Variants in UPP2 observed in about 807,000 individuals in gnomAD.
UPP2 encodes UPase 2.
In UPP2, 23 loss-of-function variants were observed where a neutral mutation model predicts 26.7. The ratio of observed to expected loss-of-function variants is 0.86; its 90% confidence interval spans 0.62 to 1.22. The LOEUF is 1.22. Ranked by LOEUF, UPP2 falls within the 50% of genes most tolerant of loss-of-function variation. The probability of loss-of-function intolerance (pLI) is 0.00; values close to 1 mark genes in which losing one functional copy is unlikely to be tolerated. For synonymous variants in UPP2, 127 were observed against 141.3 expected, an observed-to-expected ratio of 0.90 and a Z score of 0.72; for missense variants, 387 against 396.7, an observed-to-expected ratio of 0.98 and a Z score of 0.21.
intron 2 of UPP2, among the ~76,000 whole-genome samples, chr2:158,002,695 A>C (rs1035582051): frequency 6.6e-6 from 1 of 152,246 alleles, no homozygotes; most frequent in Admixed American, 6.5e-5. Flanking sequence ...GTTTATTTTC[A>C]CAGCCTTTGT....
intron 3 of UPP2, among the ~76,000 whole-genome samples, chr2:158,029,917 A>G (rs1233076289): frequency 6.6e-6 from 1 of 152,104 alleles, no homozygotes; most frequent in Non-Finnish European, 1.5e-5. Flanking sequence ...GAAAGCAGGC[A>G]TGGCAATTTG....
chr2:158,097,841 T>C (rs1051490468), upstream of UPP2, among the ~76,000 whole-genome samples: 3 of 152,220 alleles, frequency 2.0e-5, no homozygotes, highest in African/African-American at 7.2e-5. Context: ...AGGGATATCA[T>C]TCTTGCTTAT....
intron 5 of UPP2, among the ~76,000 whole-genome samples, 165 bp downstream of exon 5, chr2:158,121,783 G>C (rs71421069): frequency 0.027 from 4,064 of 152,030 alleles, 141 homozygotes; most frequent in East Asian, 0.14. Flanking sequence ...AGAAACACAA[G>C]GACATAATGA....
chr2:158,019,534 A>C (rs1247758245), intron 3 of UPP2, among the ~76,000 whole-genome samples: 1 of 152,020 alleles, frequency 6.6e-6, no homozygotes, highest in African/African-American at 2.4e-5. Flanking sequence ...TCAAACCATC[A>C]TATTGCTTTA....
chr2:158,118,225 G>A (rs13406552), intron 4 of UPP2, among the ~76,000 whole-genome samples: 2,221 of 151,840 alleles, frequency 0.015, 64 homozygotes, highest in African/African-American at 0.05. Flanking sequence ...ATGTTTTGAG[G>A]GTAGGGGTAA....
At chr2:158,016,275 T>C (rs902512171) in intron 3 of UPP2, among the ~76,000 whole-genome samples, 2 of 152,124 alleles carry the variant, frequency 1.3e-5, no homozygotes, top group Admixed American at 6.5e-5. Flanking sequence ...AGTTGTCTCA[T>C]AAAGGGCTCA....
Position 158,117,876 on chromosome 2 carries a change from T to A in UPP2, c.392T>A (p.Leu131Ter). 6.2e-7 allele frequency: 1 copy of A among 1,613,344 alleles called. No homozygotes were observed. Among genetic ancestry groups the A allele is most frequent in the South Asian group, 1.1e-5 (1 of 91,070 alleles). ...ISIMLHELIK[L>*]LHHARCCDVT... ...ATTATGCTTCATGAACTCATCAAAT[T>A]ACTCCACCATGCACGGTGCTGCGAT... The change falls in exon 4 of 7, where the codon TTA (leucine) becomes TAA (stop). Residue 131 changes from leucine to a stop codon, truncating the protein, a stop_gained. Transcript: ENST00000005756. LOFTEE classifies it high-confidence loss of function.
At chr2:158,005,339 G>A (rs1400876090) in intron 2 of UPP2, among the ~76,000 whole-genome samples, 1 of 152,190 alleles carries the variant, frequency 6.6e-6, no homozygotes, top group African/African-American at 2.4e-5. Flanking sequence ...TCTTTATCCT[G>A]AGAATACTGG....
chr2:158,038,007 T>C (rs1684029735), intron 3 of UPP2, among the ~76,000 whole-genome samples: 1 of 152,156 alleles, frequency 6.6e-6, no homozygotes, highest in Non-Finnish European at 1.5e-5. Flanking sequence ...GCAGAATGTA[T>C]CCTCAATGGG....
In UPP2 at chr2:158,122,363, T is replaced by C. The variant is rs1480101579; in HGVS notation, c.664+745T>C. 2.6e-5 allele frequency among the ~76,000 whole-genome samples: 4 copies of C among 152,106 alleles called. No homozygotes were observed. The East Asian group carries it at 7.7e-4, about 29-fold the overall frequency. ...CCCTTTAGCTCAAACTTAAGATATA[T>C]TGAATTTTAAAAAATTATGTTTGGA... On this transcript the variant is annotated intron_variant, in intron 5 of 6. Transcript: ENST00000005756.
chr2:158,116,022 A>G (rs921509375), intron 3 of UPP2, among the ~76,000 whole-genome samples: 10 of 152,204 alleles, frequency 6.6e-5, no homozygotes, highest in Admixed American at 4.6e-4. Flanking sequence ...TGGCAATTCT[A>G]AGGAACTAAG....
intron 3 of UPP2, among the ~76,000 whole-genome samples, chr2:158,025,426 C>T (rs1020641818): frequency 1.3e-5 from 2 of 152,104 alleles, no homozygotes; most frequent in African/African-American, 4.8e-5. Context: ...GGCCAGCAGG[C>T]CTGCAGGGAG....
intron 2 of UPP2, among the ~76,000 whole-genome samples, chr2:158,114,721 C>G (rs1172546944): frequency 6.6e-6 from 1 of 152,184 alleles, no homozygotes; most frequent in East Asian, 1.9e-4. Context: ...TCTTACATCA[C>G]TCACGTGCCG....
intron 2 of UPP2, among the ~76,000 whole-genome samples, chr2:158,012,764 A>G (rs956583097): frequency 2.6e-5 from 4 of 152,186 alleles, no homozygotes; most frequent in Non-Finnish European, 5.9e-5. Flanking sequence ...TAATTTATGA[A>G]GTCACTACAA....
chr2:158,086,561 G>A (rs889278002), intron 3 of UPP2, among the ~76,000 whole-genome samples: 5 of 151,886 alleles, frequency 3.3e-5, no homozygotes, highest in African/African-American at 9.7e-5. Flanking sequence ...TGTTTCTATA[G>A]TTCCTTGAGG....
chr2:158,113,990 T>C (rs1384099576), intron 2 of UPP2, among the ~76,000 whole-genome samples: 1 of 152,248 alleles, frequency 6.6e-6, no homozygotes, highest in South Asian at 2.1e-4. Flanking sequence ...CTTTGCCATA[T>C]GCAATCTCAC....
rs542704021 is a variant in UPP2 at position 158,114,091 on chromosome 2, A to AAGT, written c.181-1009_181-1007dup. 5.3e-4 allele frequency among the ~76,000 whole-genome samples: 80 copies of AAGT among 152,338 alleles called. 1 individual carries two copies. Among genetic ancestry groups the AAGT allele is most frequent in the African/African-American group, 1.8e-3 (76 of 41,578 alleles). On this transcript the variant is annotated intron_variant, in intron 2 of 6. Transcript: ENST00000005756. ...ATCGATTATTTGTGTGACACTGAGC[A>AAGT]AGTTTCTTACTCACTGATGGGGTTG...
At chr2:158,041,932 A>G (rs540867507) in intron 3 of UPP2, among the ~76,000 whole-genome samples, 1 of 152,332 alleles carries the variant, frequency 6.6e-6, no homozygotes, top group African/African-American at 2.4e-5. Context: ...ATTTTAAGGC[A>G]TCCTTTCATG....
In UPP2 at chr2:158,128,054, T is replaced by C. The variant is rs904178465; in HGVS notation, c.811+4159T>C. The C allele has an allele frequency of 8.2e-6, 8 of 979,822 alleles. No individual in the cohort carries two copies. The Admixed American group carries it at 4.9e-4, about 60-fold the overall frequency. 60.7% of individuals were successfully genotyped at this position (979,822 alleles called of 1,614,324 possible). On this transcript the variant is annotated intron_variant, in intron 6 of 6. Coordinates refer to ENST00000005756, the MANE Select transcript of UPP2 (RefSeq NM_173355.4). ...ACTTGTGGTAAGTATGTTTAACTTGTATTCGTGTTTTAAAGACAGTGCTGC... is the reference window on the plus strand; with the variant it reads ...ACTTGTGGTAAGTATGTTTAACTTGCATTCGTGTTTTAAAGACAGTGCTGC...
Sources: gnomAD v4.1 joint callset for allele counts (sites outside exome capture counted in the v4.1 genomes callset) on GRCh38, gnomAD v4.1.1 for gene constraint, MANE v1.5 for transcripts, NCBI Gene and HGNC (gene_info 2026-07-23, HGNC 2026-07-21) for gene names.